The following LIMCH1 variants were observed in gnomAD, a reference collection of about 807,000 sequenced individuals.
The protein encoded by LIMCH1 is LIM and calponin homology domains-containing protein 1.
LIMCH1 carries 113 observed loss-of-function variants against 176.5 expected under a neutral mutation model. The observed-to-expected ratio is 0.64, with a 90% CI of 0.55 to 0.75. The LOEUF (loss-of-function observed/expected upper bound fraction) is 0.75. Ranked by LOEUF, LIMCH1 falls within the 30% of genes least tolerant of loss-of-function variation. The probability of loss-of-function intolerance (pLI) is 0.00; values close to 1 mark genes in which losing one functional copy is unlikely to be tolerated. For synonymous variants in LIMCH1, 619 were observed against 645.9 expected, an observed-to-expected ratio of 0.96 and a Z score of 0.63; for missense variants, 1,674 against 1,814.9, an observed-to-expected ratio of 0.92 and a Z score of 1.41.
intron 3 of LIMCH1, among the ~76,000 whole-genome samples, chr4:41,531,507 C>CACACACAT (rs1229404661): frequency 1.4e-5 from 2 of 146,730 alleles, no homozygotes; most frequent in Non-Finnish European, 3.0e-5. Flanking sequence ...CACACACACA[C>CACACACAT]ACACACACAT....
intron 25 of LIMCH1, among the ~76,000 whole-genome samples, chr4:41,682,026 G>A (rs11727193): frequency 0.3 from 44,942 of 152,070 alleles, 7,166 homozygotes; most frequent in African/African-American, 0.41. Context: ...CATAATCCAC[G>A]TAAAGGAAAA....
At chr4:41,595,608 G>A (rs575514672) in intron 1 of LIMCH1, among the ~76,000 whole-genome samples, 7 of 152,170 alleles carry the variant, frequency 4.6e-5, no homozygotes, top group Non-Finnish European at 1.0e-4. Flanking sequence ...CTGGTAGCTA[G>A]ATGGCAAATG....
At chr4:41,547,917 A>AGT (rs2079818869) in intron 1 of LIMCH1, among the ~76,000 whole-genome samples, 2 of 140,572 alleles carry the variant, frequency 1.4e-5, no homozygotes, top group African/African-American at 2.6e-5. Flanking sequence ...TACATTACCT[A>AGT]GTGCATGGTA....
intron 2 of LIMCH1, among the ~76,000 whole-genome samples, chr4:41,508,639 T>A (rs1163312161): frequency 2.0e-5 from 3 of 152,144 alleles, no homozygotes; most frequent in Non-Finnish European, 4.4e-5. Context: ...GTGTCTCCCC[T>A]GGGTCATGGG....
At position 41,662,887 on chromosome 4, in the gene LIMCH1, C is replaced by T. The variant is rs1346178872; in HGVS notation, c.3194C>T (p.Ser1065Phe). 2 of 1,613,854 alleles carry T rather than the reference C, an allele frequency of 1.2e-6. No individual in the cohort carries two copies. Among genetic ancestry groups the T allele is most frequent in the Non-Finnish European group, 1.7e-6 (2 of 1,179,980 alleles). The change falls in exon 20 of 32, where the codon TCC becomes TTC. Residue 1065 changes from serine to phenylalanine, a missense_variant. Coordinates refer to ENST00000503057, the MANE Select transcript of LIMCH1 (RefSeq NM_001330672.2). ...ACCGTGGCCTTTGTGGAATTTCCCT[C>T]CAGCCCCCAGCTGAAGAATGATGTG... ...SPTVAFVEFP[S>F]SPQLKNDVSE...
intron 1 of LIMCH1, among the ~76,000 whole-genome samples, chr4:41,552,486 G>A (rs1000023): frequency 5.9e-5 from 9 of 151,854 alleles, no homozygotes; most frequent in Admixed American, 3.3e-4. Flanking sequence ...ATGCCATCGC[G>A]TTACTTTGGA....
chr4:41,638,852 C>G (rs375981099), intron 13 of LIMCH1, 80 bp from the exon 14 acceptor site: 1 of 1,151,808 alleles, frequency 8.7e-7, no homozygotes, highest in Non-Finnish European at 1.3e-6. Context: ...TGTATTTCAC[C>G]GGCAGTTTCT....
chr4:41,682,672 C>CTTTTTTTTTTT (rs1479823691), intron 26 of LIMCH1, among the ~76,000 whole-genome samples: 4 of 139,932 alleles, frequency 2.9e-5, no homozygotes, highest in Admixed American at 7.0e-5. Flanking sequence ...TTTTTTTCTT[C>CTTTTTTTTTTT]TTCTTCTTTT....
chr4:41,386,868 A>T (rs917314042), intron 1 of LIMCH1, among the ~76,000 whole-genome samples: 6 of 152,200 alleles, frequency 3.9e-5, no homozygotes, highest in African/African-American at 1.4e-4. Context: ...TTCTGCTGTT[A>T]TATGGTAGGA....
chr4:41,411,819 G>A (rs564961251), intron 1 of LIMCH1, among the ~76,000 whole-genome samples: 2 of 151,876 alleles, frequency 1.3e-5, no homozygotes, highest in East Asian at 3.9e-4. Context: ...TTAGCCCGGC[G>A]TGGTGGCAGG....
chr4:41,652,682 C>A (rs1454435821), intron 18 of LIMCH1, among the ~76,000 whole-genome samples: 1 of 152,166 alleles, frequency 6.6e-6, no homozygotes, highest in Non-Finnish European at 1.5e-5. Context: ...TCATGATGAT[C>A]GTTTTCTAAA....
chr4:41,646,118 G>A lies in LIMCH1; in HGVS notation c.2254-5G>A, dbSNP rs201208230. On this transcript the variant is annotated splice_region_variant and splice_polypyrimidine_tract_variant and intron_variant, in intron 15 of 31. Transcript: ENST00000503057. ...AAGAATATTATATCTTTCTTTCCCT[G>A]CCAGGACCTGGCTCGTTGGAAGAGT... is the stretch of plus-strand genomic sequence containing the variant. 458 of 1,601,850 alleles carry A rather than the reference G, an allele frequency of 2.9e-4. 2 individuals are homozygous for A. The African/African-American group carries it at 5.2e-3, about 18-fold the overall frequency.
rs75351013 is a variant in LIMCH1, at chr4:41,650,397, A to G, written c.2825A>G (p.Asp942Gly). The G allele has an allele frequency of 9.0e-4, 1,449 of 1,613,530 alleles. 12 individuals carry two copies. The African/African-American group carries it at 0.016, about 18-fold the overall frequency. The change falls in exon 18 of 32, where the codon GAC becomes GGC. Residue 942 changes from aspartate to glycine, a missense_variant. This residue lies in a region of LIMCH1 where 1,015 missense variants were observed against 1,102.5 expected (regional missense o/e 0.92). Coordinates refer to ENST00000503057, the MANE Select transcript of LIMCH1 (RefSeq NM_001330672.2). ...TGTTCATTCTGGCTTTTATAGGTAG[A>G]CGGGAAAGTCAGTGTGAATGGAGAG... Reference protein sequence around the residue: ...SQDVLKTFKVDGKVSVNGETV... With the variant: ...SQDVLKTFKVGGKVSVNGETV...
At chr4:41,609,355 T>C (rs1338018715) in intron 4 of LIMCH1, among the ~76,000 whole-genome samples, 2 of 152,138 alleles carry the variant, frequency 1.3e-5, no homozygotes, top group African/African-American at 4.8e-5. Flanking sequence ...AGGGTATTTG[T>C]TGATTTTTCT....
chr4:41,689,055 T>C (rs1057201159), intron 29 of LIMCH1: 2 of 156,140 alleles, frequency 1.3e-5, no homozygotes, highest in African/African-American at 4.8e-5. Flanking sequence ...GTATCACAGG[T>C]GATTATTTCC....
chr4:41,598,775 C>A, intron 1 of LIMCH1, 145 bp from the exon 2 acceptor site: 1 of 445,472 alleles, frequency 2.2e-6, no homozygotes, highest in East Asian at 3.4e-5. Context: ...CATTTCCTAA[C>A]AAAGTATGAT....
At chr4:41,673,564 T>G (rs1585712610) in intron 22 of LIMCH1, among the ~76,000 whole-genome samples, 2 of 152,102 alleles carry the variant, frequency 1.3e-5, no homozygotes, top group East Asian at 3.9e-4. Flanking sequence ...AAGCATTAGA[T>G]TATGCTGGCC....
chr4:41,668,182 T>C, intron 21 of LIMCH1, among the ~76,000 whole-genome samples: 1 of 152,182 alleles, frequency 6.6e-6, no homozygotes, highest in Non-Finnish European at 1.5e-5. Flanking sequence ...TAGCTATTAT[T>C]GATGTTTGGC....
intron 3 of LIMCH1, among the ~76,000 whole-genome samples, chr4:41,531,547 A>G (rs2077316530): frequency 6.7e-6 from 1 of 148,456 alleles, no homozygotes; most frequent in Non-Finnish European, 1.5e-5. Context: ...ACTCTCCCAA[A>G]CCTCTCTATG....
Sources: gnomAD v4.1 joint callset for allele counts (sites outside exome capture counted in the v4.1 genomes callset) on GRCh38, gnomAD v4.1.1 for gene constraint, gnomAD v4.1.1 regional missense constraint, MANE v1.5 for transcripts, NCBI Gene and HGNC (gene_info 2026-07-23, HGNC 2026-07-21) for gene names.